MET: variants seen among roughly 807,000 people sequenced by gnomAD.
MET encodes MET proto-oncogene, receptor tyrosine kinase.
In MET, 48 loss-of-function variants were observed where a neutral mutation model predicts 133.1. The ratio of observed to expected loss-of-function variants is 0.36; its 90% CI spans 0.29 to 0.46. The LOEUF is 0.46. Among genes scored for constraint, MET ranks in the 20% least tolerant of loss-of-function variants. The pLI, the probability that MET is intolerant of heterozygous loss-of-function variation, is 1.00. For synonymous variants in MET, 628 were observed against 616.5 expected (o/e 1.02, Z -0.28); for missense variants, 1,442 against 1,695.9 (o/e 0.85, Z 2.63).
chr7:116,685,332 C>T (rs894756897), intron 1 of MET, among the ~76,000 whole-genome samples: 5 of 152,150 alleles, frequency 3.3e-5, no homozygotes, highest in South Asian at 2.1e-4. Flanking sequence ...TCCTTAACCC[C>T]GGGACTCAAA....
At position 116,727,568 on chromosome 7, in the gene MET, C is replaced by T. The variant is rs1362194917; in HGVS notation, c.1201-4100C>T. ...TGCGGGTGCTGGTGTGAAACCTGCT[C>T]TTTAGACTCTTCTGCAGTTCCCCAA... On this transcript the variant is annotated intron_variant, in intron 2 of 20. Transcript: ENST00000397752. Among the ~76,000 whole-genome samples the T allele has an allele frequency of 2.0e-5, 3 of 152,120 alleles. No individual in the cohort carries two copies. The East Asian group carries it at 5.8e-4, about 29-fold the overall frequency.
At chr7:116,774,752 A>T (rs2117028146) in intron 14 of MET, 129 bp from the exon 15 acceptor site, 1 of 720,792 alleles carries the variant, frequency 1.4e-6, no homozygotes, top group South Asian at 1.7e-5. Context: ...TGTATATATA[A>T]CTTAGTATCT....
At chr7:116,731,527 T>C in intron 2 of MET, 141 bp from the exon 3 acceptor site, 1 of 789,732 alleles carries the variant, frequency 1.3e-6, no homozygotes, top group Non-Finnish European at 2.1e-6. Context: ...GAAATATTTA[T>C]GCCTATCTGT....
At chr7:116,791,690 A>G (rs371348187) in intron 19 of MET, among the ~76,000 whole-genome samples, 3 of 152,168 alleles carry the variant, frequency 2.0e-5, no homozygotes, top group East Asian at 3.9e-4. Context: ...TTTGGGACGA[A>G]GTCTCACTCT....
chr7:116,736,620 A>G (rs1793221937), intron 3 of MET, among the ~76,000 whole-genome samples: 1 of 152,200 alleles, frequency 6.6e-6, no homozygotes, highest in South Asian at 2.1e-4. Flanking sequence ...TTATTTGTAC[A>G]TGTATTTCTT....
chr7:116,679,157 C>T (rs763538), intron 1 of MET, among the ~76,000 whole-genome samples: 91,079 of 151,440 alleles, frequency 0.6, 29,180 homozygotes, highest in African/African-American at 0.83. Flanking sequence ...CCCAAATATT[C>T]ATCATTTTAT....
intron 5 of MET, among the ~76,000 whole-genome samples, chr7:116,750,157 C>T (rs766797459): frequency 1.2e-4 from 18 of 151,882 alleles, no homozygotes; most frequent in Non-Finnish European, 1.6e-4. Flanking sequence ...CAGCTGGTGG[C>T]ATCACGCTAC....
chr7:116,696,767 T>G (rs776067879), intron 1 of MET, among the ~76,000 whole-genome samples: 3 of 152,166 alleles, frequency 2.0e-5, no homozygotes, highest in East Asian at 3.9e-4. Context: ...CTAGTCGGAG[T>G]GGAGTCTCTG....
chr7:116,780,086 C>T (rs1039424369), intron 17 of MET, among the ~76,000 whole-genome samples: 2 of 152,202 alleles, frequency 1.3e-5, no homozygotes, highest in South Asian at 2.1e-4. Flanking sequence ...CACATAGACT[C>T]GCAGTAAATA....
chr7:116,783,615 C>T (rs551920140), intron 19 of MET, 146 bp downstream of exon 19: 248 of 799,620 alleles, frequency 3.1e-4, no homozygotes, highest in Non-Finnish European at 2.5e-4. Flanking sequence ...TTGTCTGATA[C>T]GTACACATTG....
rs587782807 is a variant in MET, at chr7:116,700,135, C to T, written c.1051C>T (p.Pro351Ser). ...TTTCGGGGTGTTCGCACAAAGCAAG[C>T]CAGATTCTGCCGAACCAATGGATCG... ...ILFGVFAQSK[P>S]DSAEPMDRSA... The change falls in exon 2 of 21, where the codon CCA becomes TCA. Residue 351 changes from proline (P) to serine (S), a missense_variant. By Grantham distance (74) the Pro-to-Ser change is moderately conservative (BLOSUM62 -1). Around this residue, in one of 6 missense-constraint regions of MET, gnomAD observed 762 missense variants for 792.4 expected, o/e 0.96. Transcript: ENST00000397752. 1.3e-6 allele frequency: 2 copies of T among 1,599,320 alleles called. No individual in the cohort carries two copies. The highest frequency in any genetic ancestry group is 1.7e-6 in the Non-Finnish European group (2 of 1,173,266).
intron 11 of MET, 112 bp downstream of exon 11, chr7:116,763,380 A>C: frequency 1.1e-6 from 1 of 934,210 alleles, no homozygotes; most frequent in Middle Eastern, 2.3e-4. Flanking sequence ...CAACACCAGC[A>C]AATATATAAA....
intron 3 of MET, 92 bp downstream of exon 3, chr7:116,731,951 T>C: frequency 1.6e-6 from 2 of 1,241,284 alleles, no homozygotes; most frequent in Non-Finnish European, 1.2e-6. Context: ...TTGCAAATAC[T>C]GTAAAGTCCA....
At chr7:116,764,119 T>A (rs189850806) in intron 11 of MET, among the ~76,000 whole-genome samples, 1 of 152,336 alleles carries the variant, frequency 6.6e-6, no homozygotes, top group African/African-American at 2.4e-5. Flanking sequence ...TAGGCTTTCA[T>A]GGGTCATCTC....
At chr7:116,789,072 A>G (rs530126471) in intron 19 of MET, among the ~76,000 whole-genome samples, 6 of 152,280 alleles carry the variant, frequency 3.9e-5, no homozygotes, top group African/African-American at 1.4e-4. Context: ...AGTGTTTAAC[A>G]TTATTGTAAC....
intron 5 of MET, 157 bp downstream of exon 5, chr7:116,741,182 A>G (rs1207327782): frequency 2.6e-5 from 22 of 837,228 alleles, no homozygotes; most frequent in Non-Finnish European, 3.9e-5. Context: ...GTCATCAGCT[A>G]AAGCACCATC....
intron 19 of MET, among the ~76,000 whole-genome samples, chr7:116,793,212 T>C (rs1795568562): frequency 6.6e-6 from 1 of 150,932 alleles, no homozygotes; most frequent in African/African-American, 2.4e-5. Context: ...TCTCACTCTA[T>C]CGCCCAAGCT....
chr7:116,784,550 G>C (rs1562936510), intron 19 of MET, among the ~76,000 whole-genome samples: 1 of 152,176 alleles, frequency 6.6e-6, no homozygotes, highest in Admixed American at 6.5e-5. Flanking sequence ...CAACGGGGCT[G>C]TGGGAAGTGC....
chr7:116,741,067 G>GTTTTTTTTTTTTTTTTGTTTTGTTTGGTT, intron 5 of MET, 42 bp downstream of exon 5: 1 of 1,348,782 alleles, frequency 7.4e-7, no homozygotes. Flanking sequence ...TTTGTTTGGT[G>GTTTTTTTTTTTTTTTTGTTTTGTTTGGTT]TTTTTTTTTT....
Sources: allele counts gnomAD v4.1 joint callset (sites outside exome capture counted in the v4.1 genomes callset), GRCh38; gene constraint gnomAD v4.1.1; regional missense constraint gnomAD v4.1.1; transcripts MANE v1.5; gene names NCBI Gene and HGNC (gene_info 2026-07-23, HGNC 2026-07-21).